Variants in HYDIN observed in about 807,000 individuals in gnomAD.
HYDIN encodes HYDIN axonemal central pair apparatus protein, also known as axonemal central pair apparatus protein HYDIN.
In HYDIN, 132 loss-of-function variants were observed where a neutral mutation model predicts 403.9. That is an observed-to-expected ratio of 0.33 (90% confidence interval 0.28 to 0.38). The LOEUF (loss-of-function observed/expected upper bound fraction) is 0.38, where lower values mean the gene tolerates loss of function less well. Ranked by LOEUF, HYDIN falls within the 10% of genes least tolerant of loss-of-function variation. The pLI is 1.00. For synonymous variants in HYDIN, 1,202 were observed against 1,891.7 expected, an observed-to-expected ratio of 0.64 and a Z score of 9.46; for missense variants, 2,827 against 5,009.5, an observed-to-expected ratio of 0.56 and a Z score of 13.15.
At chr16:71,052,148 A>G (rs1341049169) in intron 18 of HYDIN, among the ~76,000 whole-genome samples, 8 of 147,418 alleles carry the variant, frequency 5.4e-5, no homozygotes, top group Admixed American at 1.3e-4. Context: ...TAAAATAGAC[A>G]TAATAATAAA....
At chr16:70,949,553 G>C (rs1014697347) in intron 41 of HYDIN, among the ~76,000 whole-genome samples, 14 of 152,156 alleles carry the variant, frequency 9.2e-5, no homozygotes, top group Non-Finnish European at 1.5e-4. Context: ...AAATAAATGA[G>C]CTTATGGGCC....
intron 13 of HYDIN, among the ~76,000 whole-genome samples, chr16:71,074,277 T>C (rs1482519751): frequency 6.6e-6 from 1 of 151,054 alleles, no homozygotes; most frequent in Admixed American, 6.6e-5. Context: ...CACTTTTGCA[T>C]CAGGAACTAT....
chr16:70,869,719 G>T (rs2039985922), intron 65 of HYDIN, among the ~76,000 whole-genome samples: 1 of 148,896 alleles, frequency 6.7e-6, no homozygotes, highest in South Asian at 2.2e-4. Flanking sequence ...CCAGTCTCGG[G>T]TATGTCTTTA....
intron 19 of HYDIN, among the ~76,000 whole-genome samples, chr16:71,031,034 A>G (rs1404312437): frequency 3.3e-5 from 5 of 150,494 alleles, no homozygotes; most frequent in Non-Finnish European, 7.4e-5. Flanking sequence ...CCCCGTCTCT[A>G]CTAAAAATAC....
intron 1 of HYDIN, among the ~76,000 whole-genome samples, chr16:71,199,159 C>T (rs997062644): frequency 3.3e-5 from 5 of 152,154 alleles, no homozygotes; most frequent in Non-Finnish European, 7.4e-5. Context: ...GTGTTCAAGT[C>T]TCTTGGCTTT....
chr16:70,809,797 C>G lies in HYDIN; in HGVS notation c.14869G>C (p.Glu4957Gln), dbSNP rs950907355. ...GGGCCACTCACCCTGCAGTAGTATT[C>G]TGTCCTCTGCCGTGTGTAATTGATG... ...KFINYTRQRT[E>Q]YYCRTDCTDF... is the part of the protein sequence containing the mutation. Residue 4957 changes from glutamate (E) to glutamine (Q), a missense_variant, in exon 85 of 86, where the codon GAA becomes CAA. Transcript: ENST00000393567. 3.7e-6 allele frequency: 6 copies of G among 1,613,660 alleles called. No individual in the cohort carries two copies. Among genetic ancestry groups the G allele is most frequent in the South Asian group, 1.1e-5 (1 of 91,058 alleles).
At chr16:71,190,582 C>T (rs942269737) in intron 1 of HYDIN, among the ~76,000 whole-genome samples, 1 of 152,034 alleles carries the variant, frequency 6.6e-6, no homozygotes, top group African/African-American at 2.4e-5. Flanking sequence ...CTAATAAATG[C>T]AGAAAAATCA....
intron 18 of HYDIN, among the ~76,000 whole-genome samples, chr16:71,040,406 C>G (rs978526994): frequency 4.0e-5 from 6 of 148,700 alleles, no homozygotes; most frequent in Non-Finnish European, 7.5e-5. Flanking sequence ...GTGTCTGGAT[C>G]AGAGGCACTG....
intron 1 of HYDIN, among the ~76,000 whole-genome samples, chr16:71,222,382 C>T (rs1180941832): frequency 6.6e-6 from 1 of 152,054 alleles, no homozygotes; most frequent in Non-Finnish European, 1.5e-5. Context: ...CAACATCATA[C>T]TGAATGCAGA....
chr16:71,033,142 G>C (rs1451738616), intron 18 of HYDIN, among the ~76,000 whole-genome samples: 1 of 151,744 alleles, frequency 6.6e-6, no homozygotes, highest in Non-Finnish European at 1.5e-5. Context: ...CCGAGGAGCT[G>C]ACAGCAATGA....
intron 35 of HYDIN, among the ~76,000 whole-genome samples, chr16:70,972,955 C>T (rs563486741): frequency 3.1e-4 from 47 of 152,326 alleles, no homozygotes; most frequent in African/African-American, 1.1e-3. Flanking sequence ...CTCAAACCCC[C>T]CACCCCCAGT....
chr16:71,220,548 T>C (rs1205208429), intron 1 of HYDIN, among the ~76,000 whole-genome samples: 4 of 152,232 alleles, frequency 2.6e-5, no homozygotes, highest in Non-Finnish European at 5.9e-5. Context: ...AGTCTGCATG[T>C]ATATATTCTT....
rs766360979 is a variant in HYDIN, at chr16:71,175,610, G to A, written c.513C>T (p.Asn171=). 85 of 1,613,740 alleles carry A rather than the reference G, an allele frequency of 5.3e-5. 2 individuals are homozygous for A. The Admixed American group carries it at 1.4e-3, about 27-fold the overall frequency. The stretch of plus-strand genomic sequence containing the variant: ...TTCTTGCCATTCCTGGTATTACCTT[G>A]TTCTCCTCTGGAGTAAAGAGGATTC... The part of the protein sequence containing the change: ...IFRILFTPEE[N]KDYAHTLTCV... The change falls in exon 5 of 86, where the codon AAC becomes AAT. Residue 171 remains asparagine, a synonymous_variant. Transcript: ENST00000393567.
chr16:71,111,469 C>G (rs2083828920), intron 10 of HYDIN, among the ~76,000 whole-genome samples: 1 of 152,200 alleles, frequency 6.6e-6, no homozygotes, highest in Non-Finnish European at 1.5e-5. Context: ...CAAGGAAAGT[C>G]TCAACTGCAA....
intron 9 of HYDIN, among the ~76,000 whole-genome samples, chr16:71,125,908 G>A (rs868612886): frequency 3.4e-4 from 52 of 151,056 alleles, no homozygotes; most frequent in African/African-American, 1.2e-3. Flanking sequence ...TTCCTGCACT[G>A]GGCATTTCCA....
chr16:70,896,633 G>C (rs1395702799), intron 53 of HYDIN, among the ~76,000 whole-genome samples: 1 of 149,046 alleles, frequency 6.7e-6, no homozygotes, highest in Non-Finnish European at 1.5e-5. Flanking sequence ...TGGGGTTATA[G>C]ATGTGAGCCA....
At chr16:70,893,236 A>G (rs1028907948) in intron 55 of HYDIN, among the ~76,000 whole-genome samples, 1 of 152,176 alleles carries the variant, frequency 6.6e-6, no homozygotes, top group Non-Finnish European at 1.5e-5. Context: ...CATTCCATGC[A>G]ACCTCAAAGA....
chr16:70,956,012 G>A (rs2078224164), intron 39 of HYDIN, among the ~76,000 whole-genome samples: 1 of 151,972 alleles, frequency 6.6e-6, no homozygotes, highest in Non-Finnish European at 1.5e-5. Flanking sequence ...TAGAGATGGG[G>A]TTTCACCATG....
chr16:71,044,886 T>C (rs1354720502), intron 18 of HYDIN, among the ~76,000 whole-genome samples: 2 of 150,514 alleles, frequency 1.3e-5, no homozygotes, highest in African/African-American at 4.9e-5. Flanking sequence ...TAGAATAAAG[T>C]TTTCTTCTTC....
Sources: gnomAD v4.1 joint callset for allele counts (sites outside exome capture counted in the v4.1 genomes callset) on GRCh38, gnomAD v4.1.1 for gene constraint, MANE v1.5 for transcripts, NCBI Gene and HGNC (gene_info 2026-07-23, HGNC 2026-07-21) for gene names.